Variants in GALNT7 observed in about 807,000 individuals in gnomAD.
The protein encoded by GALNT7 is N-acetylgalactosaminyltransferase 7.
A neutral mutation model predicts 82.1 loss-of-function variants in GALNT7; 60 were observed. The observed-to-expected ratio is 0.73, with a 90% CI of 0.59 to 0.91. The LOEUF (loss-of-function observed/expected upper bound fraction) is 0.91, where lower values mean the gene tolerates loss of function less well. GALNT7 is among the 40% of genes least tolerant of loss of function. The probability of loss-of-function intolerance (pLI) is 0.00; values close to 1 mark genes in which losing one functional copy is unlikely to be tolerated. For synonymous variants in GALNT7, 243 were observed against 275.1 expected (o/e 0.88, Z 1.15); for missense variants, 660 against 804.2 (o/e 0.82, Z 2.17).
intron 1 of GALNT7, among the ~76,000 whole-genome samples, chr4:173,243,309 T>TA (rs1383090565): frequency 6.6e-6 from 1 of 152,234 alleles, no homozygotes; most frequent in Non-Finnish European, 1.5e-5. Context: ...AGCCTGACCT[T>TA]ACTTCTGGTA....
intron 3 of GALNT7, among the ~76,000 whole-genome samples, chr4:173,294,714 GC>G (rs1405917354): frequency 2.0e-5 from 3 of 152,040 alleles, no homozygotes; most frequent in Non-Finnish European, 4.4e-5. Context: ...TGGAAATTTT[GC>G]CAAATGTGTC....
At chr4:173,186,581 CAT>C (rs1290410209) in intron 1 of GALNT7, among the ~76,000 whole-genome samples, 2 of 152,100 alleles carry the variant, frequency 1.3e-5, no homozygotes, top group Non-Finnish European at 2.9e-5. Context: ...ATAATTTGTA[CAT>C]AGTTTCAAGA....
intron 1 of GALNT7, among the ~76,000 whole-genome samples, chr4:173,199,643 G>T (rs1358100677): frequency 6.6e-6 from 1 of 152,072 alleles, no homozygotes; most frequent in Non-Finnish European, 1.5e-5. Flanking sequence ...TTCTTACCCA[G>T]CAAAGAGATT....
chr4:173,213,195 T>C (rs1733336958), intron 1 of GALNT7, among the ~76,000 whole-genome samples: 2 of 150,734 alleles, frequency 1.3e-5, no homozygotes, highest in South Asian at 4.2e-4. Context: ...ACAAAAAATG[T>C]GATTTCTCGT....
In GALNT7 at chr4:173,287,605, C is replaced by T. The variant is rs533633978; in HGVS notation, c.588-4503C>T. ...GCATCCCCCTTCACCCCCTTCCTCCCGTCCTTTGGGTCCCAGTGACCATCC... is the reference window on the plus strand; with the variant it reads ...GCATCCCCCTTCACCCCCTTCCTCCTGTCCTTTGGGTCCCAGTGACCATCC... On this transcript the variant is annotated intron_variant, in intron 2 of 11. Coordinates refer to ENST00000265000, the MANE Select transcript of GALNT7 (RefSeq NM_017423.3). Among the ~76,000 whole-genome samples, 35 of 152,324 alleles carry T rather than the reference C, an allele frequency of 2.3e-4. No homozygotes were observed. The East Asian group carries it at 4.4e-3, about 19-fold the overall frequency.
intron 1 of GALNT7, among the ~76,000 whole-genome samples, chr4:173,225,051 T>TAA (rs1367520966): frequency 2.7e-5 from 4 of 147,890 alleles, no homozygotes; most frequent in African/African-American, 1.0e-4. Flanking sequence ...ATAATAATAA[T>TAA]TATAATTATA....
At chr4:173,216,727 A>ATATATATATATATATATATTTTTT (rs71244915) in intron 1 of GALNT7, among the ~76,000 whole-genome samples, 1 of 12,982 alleles carries the variant, frequency 7.7e-5, no homozygotes, top group African/African-American at 2.8e-4. Flanking sequence ...ATATATATAT[A>ATATATATATATATATATATTTTTT]TTTTTTTTTT....
In GALNT7 at chr4:173,302,942, A is replaced by T. The variant is rs1737001827; in HGVS notation, c.1266+778A>T. On this transcript the variant is annotated intron_variant, in intron 7 of 11. Transcript: ENST00000265000. The surrounding 1 kb of genome is among the most constrained non-coding windows in gnomAD (Gnocchi z 4.2). ...CGTCGGCCAGGCGCTCATGCCTATAAACCCATCACTTTGGGAGGCCAACAT... is the reference window on the plus strand; with the variant it reads ...CGTCGGCCAGGCGCTCATGCCTATATACCCATCACTTTGGGAGGCCAACAT... Among the ~76,000 whole-genome samples the T allele has an allele frequency of 6.6e-6, 1 of 152,248 alleles. No homozygotes were observed. The highest frequency in any genetic ancestry group is 2.1e-4 in the South Asian group (1 of 4,830).
At chr4:173,312,720 C>T (rs995378655) in intron 8 of GALNT7, among the ~76,000 whole-genome samples, 2 of 152,246 alleles carry the variant, frequency 1.3e-5, no homozygotes, top group African/African-American at 4.8e-5. Flanking sequence ...TCAGCTATCA[C>T]AGTGTCAGCA....
intron 1 of GALNT7, among the ~76,000 whole-genome samples, chr4:173,169,908 C>T (rs976444995): frequency 6.6e-6 from 1 of 152,046 alleles, no homozygotes; most frequent in African/African-American, 2.4e-5. Context: ...CCGAGGGGAG[C>T]GGCGGCGCGG....
chr4:173,173,644 A>T (rs1398651223), intron 1 of GALNT7, among the ~76,000 whole-genome samples: 1 of 152,216 alleles, frequency 6.6e-6, no homozygotes, highest in Non-Finnish European at 1.5e-5. Flanking sequence ...CATGCAGTTC[A>T]CAATAGGGTT....
intron 8 of GALNT7, among the ~76,000 whole-genome samples, chr4:173,309,424 T>C (rs1397499290): frequency 1.3e-5 from 2 of 152,100 alleles, no homozygotes; most frequent in Non-Finnish European, 2.9e-5. Flanking sequence ...CATGTTGGGG[T>C]CTCCCAGTTC....
chr4:173,222,148 A>G (rs967873062), intron 1 of GALNT7, among the ~76,000 whole-genome samples: 1 of 152,212 alleles, frequency 6.6e-6, no homozygotes, highest in Non-Finnish European at 1.5e-5. Context: ...GCAGACCCTC[A>G]GTAAACCTTT....
chr4:173,261,651 T>C (rs1735267832), intron 2 of GALNT7, among the ~76,000 whole-genome samples: 1 of 151,988 alleles, frequency 6.6e-6, no homozygotes, highest in Admixed American at 6.6e-5. Flanking sequence ...ACCTCATCTC[T>C]ACTAAAAATA....
intron 2 of GALNT7, among the ~76,000 whole-genome samples, chr4:173,249,415 C>T (rs1374140787): frequency 2.6e-5 from 4 of 152,092 alleles, no homozygotes; most frequent in Non-Finnish European, 4.4e-5. Context: ...AGACTTTGAG[C>T]ATTCCTGTAC....
intron 1 of GALNT7, among the ~76,000 whole-genome samples, chr4:173,204,043 T>G (rs904938282): frequency 5.3e-5 from 8 of 152,208 alleles, no homozygotes; most frequent in Non-Finnish European, 2.9e-5. Flanking sequence ...CCCTCAGCTT[T>G]TGTTTGTCTG....
At position 173,322,265 on chromosome 4, in the gene GALNT7, TC is replaced by T. The variant is rs1737849086; in HGVS notation, c.*549del. On this transcript the variant is annotated 3_prime_UTR_variant, in exon 12 of 12. Transcript: ENST00000265000. The stretch of plus-strand genomic sequence containing the variant: ...AATTTCAACACATTTAGTGCCTCTT[TC>T]ATTTCTCAGTATATATTTCAAGAGC... 1 of 153,256 alleles carries T rather than the reference TC, an allele frequency of 6.5e-6. No homozygotes were observed. The highest frequency in any genetic ancestry group is 2.1e-4 in the South Asian group (1 of 4,866). 9.5% of individuals were successfully genotyped at this position (153,256 alleles called of 1,614,324 possible). A position where few individuals can be genotyped will look rare whatever the true frequency, so the allele number is the denominator to read the frequency against.
chr4:173,197,063 C>CT (rs5864189), intron 1 of GALNT7, among the ~76,000 whole-genome samples: 79,152 of 116,802 alleles, frequency 0.68, 28,983 homozygotes, highest in Non-Finnish European at 0.79. Flanking sequence ...CTCTCTCTCC[C>CT]TTTTTTTTTT....
chr4:173,185,113 A>C (rs539946962), intron 1 of GALNT7, among the ~76,000 whole-genome samples: 2 of 152,386 alleles, frequency 1.3e-5, no homozygotes, highest in South Asian at 4.1e-4. Context: ...GACAACCAAA[A>C]AAGTAAAAAA....
Sources: gnomAD v4.1 joint callset for allele counts (sites outside exome capture counted in the v4.1 genomes callset) on GRCh38, gnomAD v4.1.1 for gene constraint, Gnocchi (gnomAD v3.1) non-coding constraint, MANE v1.5 for transcripts, NCBI Gene and HGNC (gene_info 2026-07-23, HGNC 2026-07-21) for gene names.